LRRIQ3: variants seen among roughly 807,000 people sequenced by gnomAD.
LRRIQ3 encodes leucine rich repeats and IQ motif containing 3.
LRRIQ3 carries 75 observed loss-of-function variants against 59.3 expected under a neutral mutation model. That is an observed-to-expected ratio of 1.26 (90% CI 1.05 to 1.53). The LOEUF (loss-of-function observed/expected upper bound fraction) is 1.53, where lower values mean the gene tolerates loss of function less well. LRRIQ3 is among the 40% of genes most tolerant of loss of function. The pLI, the probability that LRRIQ3 is intolerant of heterozygous loss-of-function variation, is 0.00. For synonymous variants in LRRIQ3, 250 were observed against 231.3 expected, an observed-to-expected ratio of 1.08 and a Z score of -0.73; for missense variants, 831 against 710.0, an observed-to-expected ratio of 1.17 and a Z score of -1.94.
At chr1:74,095,509 A>G (rs1646439415) in intron 5 of LRRIQ3, among the ~76,000 whole-genome samples, 1 of 152,178 alleles carries the variant, frequency 6.6e-6, no homozygotes, top group African/African-American at 2.4e-5. Context: ...ATTTAAAGGC[A>G]TATGTGTTGT....
At chr1:74,055,465 G>T (rs1328768582) in intron 6 of LRRIQ3, among the ~76,000 whole-genome samples, 1 of 151,812 alleles carries the variant, frequency 6.6e-6, no homozygotes, top group Non-Finnish European at 1.5e-5. Flanking sequence ...TGTTTTTTGT[G>T]TCTTCTCTCT....
At chr1:74,080,175 A>G (rs1035984399) in intron 5 of LRRIQ3, among the ~76,000 whole-genome samples, 3 of 151,748 alleles carry the variant, frequency 2.0e-5, no homozygotes, top group Non-Finnish European at 4.4e-5. Flanking sequence ...ACACAAAAAA[A>G]ACCAAAACAG....
At chr1:74,070,385 A>T (rs976983171) in intron 6 of LRRIQ3, among the ~76,000 whole-genome samples, 2 of 152,104 alleles carry the variant, frequency 1.3e-5, no homozygotes, top group African/African-American at 2.4e-5. Context: ...ACAGAAAATG[A>T]AATACCACAG....
In LRRIQ3 at chr1:74,026,554, C is replaced by T. The variant is rs528888382; in HGVS notation, c.*259G>A. The T allele has an allele frequency of 2.7e-4, 77 of 284,450 alleles. No individual in the cohort carries two copies. The South Asian group carries it at 4.4e-3, about 16-fold the overall frequency. 17.6% of individuals were successfully genotyped at this position (284,450 alleles called of 1,614,324 possible). On this transcript the variant is annotated 3_prime_UTR_variant, in exon 8 of 8. Transcript: ENST00000354431. ...ATCAGCAATGTCATTGCAACATTGT[C>T]TGCAATACATTAAATCAGTTTAATT... is the stretch of plus-strand genomic sequence containing the variant.
chr1:74,157,485 A>T (rs1291977110), intron 3 of LRRIQ3, among the ~76,000 whole-genome samples: 1 of 152,082 alleles, frequency 6.6e-6, no homozygotes, highest in Non-Finnish European at 1.5e-5. Flanking sequence ...AATCCTTTAT[A>T]TCTAACTTTC....
intron 6 of LRRIQ3, among the ~76,000 whole-genome samples, chr1:74,072,398 A>C (rs949638503): frequency 6.6e-6 from 1 of 152,008 alleles, no homozygotes; most frequent in African/African-American, 2.4e-5. Context: ...AAATTATGTG[A>C]TTCTTGTTCT....
intron 4 of LRRIQ3, among the ~76,000 whole-genome samples, chr1:74,143,437 A>G (rs1647358138): frequency 1.3e-5 from 2 of 151,996 alleles, no homozygotes; most frequent in South Asian, 4.1e-4. Context: ...GTCGTAACAG[A>G]TGGTCAACAA....
intron 5 of LRRIQ3, among the ~76,000 whole-genome samples, chr1:74,075,497 G>A (rs978203401): frequency 4.6e-5 from 7 of 151,878 alleles, no homozygotes; most frequent in Admixed American, 1.3e-4. Flanking sequence ...AACCCAGCAG[G>A]CGGACATTGC....
At chr1:74,030,804 T>G (rs1295719906) in intron 7 of LRRIQ3, among the ~76,000 whole-genome samples, 3 of 152,158 alleles carry the variant, frequency 2.0e-5, no homozygotes, top group Non-Finnish European at 4.4e-5. Flanking sequence ...CAAAAGAAAC[T>G]ACCATCAGAA....
chr1:74,104,943 C>G lies in LRRIQ3; in HGVS notation c.867+4451G>C, dbSNP rs183487593. 2.0e-3 allele frequency among the ~76,000 whole-genome samples: 302 copies of G among 151,908 alleles called. 1 individual carries two copies. The highest frequency in any genetic ancestry group is 6.8e-3 in the Middle Eastern group (2 of 294). On this transcript the variant is annotated intron_variant, in intron 5 of 7. Coordinates refer to ENST00000354431, the MANE Select transcript of LRRIQ3 (RefSeq NM_001105659.2). The stretch of plus-strand genomic sequence containing the variant: ...CTTCCCACTCAACTTTGTTATGAAA[C>G]TAATACTGCTCTAACAAATAAAGTT...
intron 3 of LRRIQ3, among the ~76,000 whole-genome samples, chr1:74,166,163 T>C (rs1457615653): frequency 2.0e-5 from 3 of 151,654 alleles, no homozygotes; most frequent in Non-Finnish European, 3.0e-5. Flanking sequence ...GGGATAATTC[T>C]CCAGTGAAGC....
At chr1:74,177,189 G>A (rs1365019035) in intron 3 of LRRIQ3, among the ~76,000 whole-genome samples, 1 of 152,110 alleles carries the variant, frequency 6.6e-6, no homozygotes. Context: ...TGAAGGTGTA[G>A]GGGTTCTTTC....
chr1:74,074,465 A>G (rs12746996), intron 6 of LRRIQ3, among the ~76,000 whole-genome samples, 196 bp downstream of exon 6: 48,923 of 151,892 alleles, frequency 0.32, 8,391 homozygotes, highest in Middle Eastern at 0.45. Context: ...AGCTTTTTAT[A>G]CACGGATTAC....
At chr1:74,063,558 T>C (rs1002542614) in intron 6 of LRRIQ3, among the ~76,000 whole-genome samples, 5 of 152,092 alleles carry the variant, frequency 3.3e-5, no homozygotes, top group Non-Finnish European at 7.4e-5. Context: ...TTCTGTCAAT[T>C]TGGGGTTTCT....
chr1:74,118,708 A>G (rs1169215305), intron 4 of LRRIQ3, among the ~76,000 whole-genome samples: 16 of 152,124 alleles, frequency 1.1e-4, no homozygotes. Flanking sequence ...ATATAGAGAG[A>G]GAGCAAGAGA....
chr1:74,146,550 T>C (rs1469911377), intron 4 of LRRIQ3, among the ~76,000 whole-genome samples: 2 of 152,224 alleles, frequency 1.3e-5, no homozygotes, highest in Non-Finnish European at 2.9e-5. Context: ...CACATTTGTA[T>C]ATAATTTCAT....
At chr1:74,156,706 C>A (rs1352644794) in intron 3 of LRRIQ3, among the ~76,000 whole-genome samples, 1 of 152,028 alleles carries the variant, frequency 6.6e-6, no homozygotes, top group African/African-American at 2.4e-5. Flanking sequence ...TTTGTTGTAG[C>A]TTAACTAGAA....
chr1:74,132,926 C>T (rs1333155764), intron 4 of LRRIQ3, among the ~76,000 whole-genome samples: 2 of 152,106 alleles, frequency 1.3e-5, no homozygotes, highest in African/African-American at 2.4e-5. Context: ...AATGAACAGG[C>T]AACCTACAGA....
intron 4 of LRRIQ3, among the ~76,000 whole-genome samples, chr1:74,152,725 C>T (rs1648069396): frequency 6.6e-6 from 1 of 152,126 alleles, no homozygotes; most frequent in African/African-American, 2.4e-5. Flanking sequence ...CTAGATCTTA[C>T]TTTCCAAATA....
Sources: allele counts gnomAD v4.1 joint callset (sites outside exome capture counted in the v4.1 genomes callset), GRCh38; gene constraint gnomAD v4.1.1; transcripts MANE v1.5; gene names NCBI Gene and HGNC (gene_info 2026-07-23, HGNC 2026-07-21).